The following PCDH15 variants were observed in gnomAD, a reference collection of about 807,000 sequenced individuals.
PCDH15 encodes protocadherin related 15, also known as protocadherin-15.
A neutral mutation model predicts 178.5 loss-of-function variants in PCDH15; 129 were observed. The ratio of observed to expected loss-of-function variants is 0.72; its 90% CI spans 0.63 to 0.84. The LOEUF is 0.84. PCDH15 is among the 40% of genes least tolerant of loss of function. The pLI, the probability that PCDH15 is intolerant of heterozygous loss-of-function variation, is 0.00. For missense variants in PCDH15, 2,230 were observed against 2,099.9 expected, an observed-to-expected ratio of 1.06 and a Z score of -1.21; for synonymous variants, 800 against 732.0, an observed-to-expected ratio of 1.09 and a Z score of -1.50.
rs16906679 is a variant in PCDH15 at position 54,910,231 on chromosome 10, C to T, written c.-79-12731G>A. On this transcript the variant is annotated intron_variant, in intron 2 of 5. Coordinates refer to the PCDH15 transcript ENST00000458638. ...AGCACCTGCTCCAGATAGCCTGTGG[C>T]GGCCATCAATACCACCAATACCTTC... Among the ~76,000 whole-genome samples, 395 of 152,208 alleles carry T rather than the reference C, an allele frequency of 2.6e-3. 5 individuals carry two copies. The East Asian group carries it at 0.029, about 11-fold the overall frequency.
chr10:54,722,956 G>C (rs1232494472), intron 1 of PCDH15, among the ~76,000 whole-genome samples: 1 of 151,400 alleles, frequency 6.6e-6, no homozygotes, highest in Admixed American at 6.6e-5. Context: ...CATCATTAAA[G>C]TAAACATACT....
intron 9 of PCDH15, among the ~76,000 whole-genome samples, chr10:54,232,113 A>G (rs2054137712): frequency 6.6e-6 from 1 of 152,222 alleles, no homozygotes; most frequent in South Asian, 2.1e-4. Flanking sequence ...CCCAAATCTC[A>G]TGTTAAATTG....
At chr10:53,915,521 A>G (rs2083457793) in intron 25 of PCDH15, among the ~76,000 whole-genome samples, 2 of 152,178 alleles carry the variant, frequency 1.3e-5, no homozygotes, top group African/African-American at 4.8e-5. Flanking sequence ...AACTGAATTG[A>G]GTAAATAACT....
intron 1 of PCDH15, among the ~76,000 whole-genome samples, chr10:55,175,137 G>A (rs1228245557): frequency 6.6e-6 from 1 of 152,150 alleles, no homozygotes; most frequent in Non-Finnish European, 1.5e-5. Flanking sequence ...GGACCCCAAA[G>A]AAGACACAGG....
At chr10:55,142,988 A>T (rs188626574) in intron 2 of PCDH15, among the ~76,000 whole-genome samples, 97 of 152,214 alleles carry the variant, frequency 6.4e-4, no homozygotes, top group South Asian at 1.2e-3. Flanking sequence ...TGATTGGCTT[A>T]TGGGTGCAGA....
chr10:54,326,111 C>G (rs1938019432), intron 7 of PCDH15, among the ~76,000 whole-genome samples: 1 of 152,106 alleles, frequency 6.6e-6, no homozygotes, highest in Non-Finnish European at 1.5e-5. Context: ...ACTTTCCATA[C>G]TGTAAATGCT....
chr10:55,470,006 T>C (rs974338185), intron 2 of PCDH15, among the ~76,000 whole-genome samples: 159 of 152,270 alleles, frequency 1.0e-3, no homozygotes, highest in African/African-American at 3.7e-3. Context: ...CTAGAAAATA[T>C]TATGGCTTAA....
At chr10:55,531,294 TG>T (rs1174917691) in intron 2 of PCDH15, among the ~76,000 whole-genome samples, 37 of 152,002 alleles carry the variant, frequency 2.4e-4, no homozygotes, top group African/African-American at 8.9e-4. Context: ...GGACACATTA[TG>T]ATCAAGTGTT....
At chr10:55,266,081 A>G (rs1454427117) in intron 1 of PCDH15, among the ~76,000 whole-genome samples, 1 of 152,182 alleles carries the variant, frequency 6.6e-6, no homozygotes, top group East Asian at 1.9e-4. Flanking sequence ...AGGGTGAAAC[A>G]CCTCAGGGTA....
intron 20 of PCDH15, among the ~76,000 whole-genome samples, chr10:53,999,430 T>C (rs968774293): frequency 1.3e-5 from 2 of 152,210 alleles, no homozygotes; most frequent in African/African-American, 4.8e-5. Context: ...CTCCTTGTCT[T>C]TACTGACTTA....
chr10:54,202,632 GA>G (rs1212167873), intron 10 of PCDH15, among the ~76,000 whole-genome samples: 2 of 151,926 alleles, frequency 1.3e-5, no homozygotes, highest in Non-Finnish European at 2.9e-5. Flanking sequence ...GACCAATGTA[GA>G]GAAACCCTGT....
At chr10:54,450,339 A>T (rs978850172) in intron 3 of PCDH15, among the ~76,000 whole-genome samples, 2 of 151,330 alleles carry the variant, frequency 1.3e-5, no homozygotes, top group Admixed American at 1.3e-4. Context: ...GATTGGACCA[A>T]CTAATGAAAT....
rs528949894 is a variant in PCDH15 at position 54,246,901 on chromosome 10, A to T, written c.877-9970T>A. Among the ~76,000 whole-genome samples the T allele has an allele frequency of 1.7e-4, 26 of 152,010 alleles. No homozygotes were observed. In the South Asian group the frequency reaches 4.6e-3, roughly 27 times the overall value. ...AGTTGCTTTAACTTGAATTTTGATG[A>T]TGATTAATGGGGTTGAACAACTGTT... On this transcript the variant is annotated intron_variant, in intron 8 of 37. Coordinates refer to ENST00000644397, the MANE Select transcript of PCDH15 (RefSeq NM_001384140.1).
At chr10:53,981,222 T>C (rs2090612902) in intron 21 of PCDH15, among the ~76,000 whole-genome samples, 1 of 152,220 alleles carries the variant, frequency 6.6e-6, no homozygotes, top group Non-Finnish European at 1.5e-5. Context: ...TCAATTATTT[T>C]CTTCATTATT....
chr10:54,953,352 G>A (rs986786531), intron 2 of PCDH15, among the ~76,000 whole-genome samples: 2 of 151,424 alleles, frequency 1.3e-5, no homozygotes, highest in Non-Finnish European at 3.0e-5. Flanking sequence ...ATGCAGAATT[G>A]AGTATATGAA....
intron 2 of PCDH15, among the ~76,000 whole-genome samples, chr10:55,416,203 C>A (rs886554238): frequency 6.6e-6 from 1 of 151,690 alleles, no homozygotes; most frequent in Non-Finnish European, 1.5e-5. Context: ...GCAATATTTT[C>A]TATCCTTGTT....
At chr10:54,015,442 A>G (rs2092710680) in intron 20 of PCDH15, among the ~76,000 whole-genome samples, 1 of 152,214 alleles carries the variant, frequency 6.6e-6, no homozygotes, top group Admixed American at 6.5e-5. Context: ...TGAATAGCTA[A>G]GACAATCCAA....
chr10:54,508,698 T>C (rs1040836601), intron 3 of PCDH15, among the ~76,000 whole-genome samples: 7 of 151,952 alleles, frequency 4.6e-5, no homozygotes, highest in African/African-American at 1.7e-4. Flanking sequence ...ACATAAAGAG[T>C]GTTTGAAGCA....
At chr10:54,813,302 T>C (rs1365621903) in intron 3 of PCDH15, among the ~76,000 whole-genome samples, 2 of 152,180 alleles carry the variant, frequency 1.3e-5, no homozygotes, top group African/African-American at 4.8e-5. Context: ...ATGCCCAAGT[T>C]TTCACCTCCA....
Sources: gnomAD v4.1 joint callset for allele counts (sites outside exome capture counted in the v4.1 genomes callset) on GRCh38, gnomAD v4.1.1 for gene constraint, MANE v1.5 for transcripts, NCBI Gene and HGNC (gene_info 2026-07-23, HGNC 2026-07-21) for gene names.